The following CIMIP6 variants were observed in gnomAD, a reference collection of about 807,000 sequenced individuals.
The protein encoded by CIMIP6 is uncharacterized protein C2orf73.
chr2:54,367,478 C>A, the CIMIP6 span, among the ~76,000 whole-genome samples: 1 of 151,846 alleles, frequency 6.6e-6, no homozygotes, highest in African/African-American at 2.4e-5. Context: ...TTTGAAAAAG[C>A]AAATTTGCAA....
chr2:54,379,610 C>T, the CIMIP6 span, among the ~76,000 whole-genome samples: 1 of 151,774 alleles, frequency 6.6e-6, no homozygotes, highest in Non-Finnish European at 1.5e-5. Flanking sequence ...GAGGCCAAGG[C>T]GGGATTCCTT....
the CIMIP6 span, among the ~76,000 whole-genome samples, chr2:54,352,593 G>C: frequency 8.5e-5 from 13 of 152,108 alleles, no homozygotes; most frequent in Non-Finnish European, 1.8e-4. Flanking sequence ...CAATTTTCAA[G>C]AGTACAATAC....
At chr2:54,331,021 GTCT>G in the CIMIP6 span, 3 of 1,613,518 alleles carry the variant, frequency 1.9e-6, no homozygotes, top group Non-Finnish European at 2.5e-6. Context: ...GGGGTTTGGT[GTCT>G]TATTTCCCTT....
chr2:54,333,095 C>T, the CIMIP6 span, among the ~76,000 whole-genome samples: 1 of 152,188 alleles, frequency 6.6e-6, no homozygotes, highest in East Asian at 1.9e-4. Flanking sequence ...AGTCCATTTA[C>T]CTTGGATGAA....
chr2:54,382,071 A>G, the CIMIP6 span: 1 of 1,396,346 alleles, frequency 7.2e-7, no homozygotes, highest in Non-Finnish European at 9.3e-7. Flanking sequence ...GCTGAAGAGA[A>G]CTTAATAAAG....
chr2:54,363,520 T>A, the CIMIP6 span, among the ~76,000 whole-genome samples: 1 of 152,226 alleles, frequency 6.6e-6, no homozygotes, highest in African/African-American at 2.4e-5. Context: ...TCATATTCAT[T>A]GACTCTAGGC....
the CIMIP6 span, among the ~76,000 whole-genome samples, chr2:54,332,186 CCT>C: frequency 1.3e-5 from 2 of 152,158 alleles, no homozygotes; most frequent in Non-Finnish European, 2.9e-5. Context: ...TCTCTCTTCC[CCT>C]CTTTTTTCAT....
the CIMIP6 span, among the ~76,000 whole-genome samples, chr2:54,374,408 T>A: frequency 6.6e-6 from 1 of 152,246 alleles, no homozygotes; most frequent in Non-Finnish European, 1.5e-5. Flanking sequence ...AAAACTTGTT[T>A]GGACTTTCCT....
the CIMIP6 span, among the ~76,000 whole-genome samples, chr2:54,362,786 A>C: frequency 6.6e-6 from 1 of 152,174 alleles, no homozygotes; most frequent in Admixed American, 6.5e-5. Flanking sequence ...AGCTCAATTT[A>C]TCTGCCTACC....
At chr2:54,362,466 C>T in the CIMIP6 span, among the ~76,000 whole-genome samples, 4 of 152,136 alleles carry the variant, frequency 2.6e-5, no homozygotes, top group African/African-American at 9.7e-5. Context: ...CATTCTTTCT[C>T]TTCCCTCTTT....
At chr2:54,335,018 A>C in the CIMIP6 span, 2 of 1,596,314 alleles carry the variant, frequency 1.3e-6, no homozygotes, top group South Asian at 2.3e-5. Flanking sequence ...AAGGGCCAGA[A>C]ATACAGGTTG....
chr2:54,374,059 CT>C, the CIMIP6 span, among the ~76,000 whole-genome samples: 2 of 152,196 alleles, frequency 1.3e-5, no homozygotes, highest in Non-Finnish European at 2.9e-5. Context: ...TTATTATGTA[CT>C]GCCTAGCCAA....
At chr2:54,375,733 T>C in the CIMIP6 span, among the ~76,000 whole-genome samples, 2 of 152,242 alleles carry the variant, frequency 1.3e-5, no homozygotes, top group East Asian at 3.8e-4. Context: ...AAATACATTA[T>C]GATACATCTG....
At chr2:54,350,435 G>T in the CIMIP6 span, among the ~76,000 whole-genome samples, 1 of 152,216 alleles carries the variant, frequency 6.6e-6, no homozygotes, top group Non-Finnish European at 1.5e-5. Context: ...ACGGGACTCA[G>T]CTGGGATGCA....
the CIMIP6 span, among the ~76,000 whole-genome samples, chr2:54,331,215 C>T: frequency 1.3e-5 from 2 of 152,144 alleles, no homozygotes; most frequent in Non-Finnish European, 2.9e-5. Flanking sequence ...CTTGCATTAC[C>T]GGATCTAAAA....
the CIMIP6 span, among the ~76,000 whole-genome samples, chr2:54,344,557 G>A: frequency 6.6e-6 from 1 of 152,082 alleles, no homozygotes; most frequent in Non-Finnish European, 1.5e-5. Context: ...ATGAAAAGCG[G>A]GTAGGAGAGA....
At chr2:54,356,474 C>T in the CIMIP6 span, among the ~76,000 whole-genome samples, 56 of 152,256 alleles carry the variant, frequency 3.7e-4, 1 homozygote, top group African/African-American at 1.3e-3. Flanking sequence ...TCCTACCCTC[C>T]AGTCCAAATT....
At chr2:54,337,708 G>A in the CIMIP6 span, among the ~76,000 whole-genome samples, 8 of 152,344 alleles carry the variant, frequency 5.3e-5, no homozygotes, top group South Asian at 1.7e-3. Context: ...GTTAAGAGCT[G>A]CTATCATCAA....
chr2:54,331,007 T>C, the CIMIP6 span: 1 of 1,613,760 alleles, frequency 6.2e-7, no homozygotes, highest in Non-Finnish European at 8.5e-7. Flanking sequence ...CATCAGTAAG[T>C]GCTGGGGTTT....
Sources: gnomAD v4.1 joint callset for allele counts (sites outside exome capture counted in the v4.1 genomes callset) on GRCh38, gnomAD v4.1.1 for gene constraint, MANE v1.5 for transcripts, NCBI Gene and HGNC (gene_info 2026-07-23, HGNC 2026-07-21) for gene names.